The following NCOA2 variants were observed in gnomAD, a reference collection of about 807,000 sequenced individuals.
The protein encoded by NCOA2 is nuclear receptor coactivator 2, also known as class E basic helix-loop-helix protein 75.
Under a neutral mutation model 145.1 loss-of-function variants are expected in NCOA2, and 21 were observed. The ratio of observed to expected loss-of-function variants is 0.14; its 90% CI spans 0.10 to 0.21. NCOA2 has a LOEUF of 0.21. NCOA2 is among the 10% of genes least tolerant of loss of function. NCOA2 has a pLI of 1.00. For missense variants in NCOA2, 1,472 were observed against 1,837.6 expected (o/e 0.80, Z 3.64); for synonymous variants, 619 against 637.5 (o/e 0.97, Z 0.44).
At chr8:70,339,121 A>G (rs1035720782) in intron 1 of NCOA2, among the ~76,000 whole-genome samples, 1 of 152,168 alleles carries the variant, frequency 6.6e-6, no homozygotes, top group African/African-American at 2.4e-5. Context: ...AGGGTATTCA[A>G]ATAGGAAGAA....
intron 4 of NCOA2, among the ~76,000 whole-genome samples, chr8:70,189,190 T>C (rs1005303526): frequency 3.9e-5 from 6 of 152,178 alleles, no homozygotes; most frequent in Non-Finnish European, 5.9e-5. Flanking sequence ...CTACCAGAGC[T>C]GGCCAGGTTG....
At chr8:70,383,890 G>A (rs1278262639) in intron 1 of NCOA2, among the ~76,000 whole-genome samples, 1 of 152,136 alleles carries the variant, frequency 6.6e-6, no homozygotes, top group African/African-American at 2.4e-5. Context: ...CATAAACAGA[G>A]CTTATAAATA....
chr8:70,401,006 C>A (rs1039496555), intron 1 of NCOA2, among the ~76,000 whole-genome samples: 8 of 152,148 alleles, frequency 5.3e-5, no homozygotes, highest in African/African-American at 1.9e-4. Flanking sequence ...ATTCTTTGAG[C>A]TCCCAAAGAT....
At chr8:70,207,571 A>C (rs1818571932) in intron 4 of NCOA2, among the ~76,000 whole-genome samples, 1 of 152,174 alleles carries the variant, frequency 6.6e-6, no homozygotes, top group African/African-American at 2.4e-5. Flanking sequence ...TTCATTAAAA[A>C]CTGCAGTATT....
At chr8:70,332,370 A>C (rs1336065455) in intron 1 of NCOA2, among the ~76,000 whole-genome samples, 1 of 152,140 alleles carries the variant, frequency 6.6e-6, no homozygotes. Context: ...AACTACCTAC[A>C]CTTGAATATG....
chr8:70,448,660 A>C, the NCOA2 span, among the ~76,000 whole-genome samples: 286 of 152,302 alleles, frequency 1.9e-3, no homozygotes, highest in Non-Finnish European at 2.1e-3. Context: ...CACACCACTT[A>C]CATCGCATGA....
chr8:70,297,603 G>A (rs1827185178), intron 1 of NCOA2, among the ~76,000 whole-genome samples: 1 of 152,192 alleles, frequency 6.6e-6, no homozygotes, highest in African/African-American at 2.4e-5. Context: ...AAAATGCCAG[G>A]ATTACAGGTG....
intron 13 of NCOA2, among the ~76,000 whole-genome samples, chr8:70,143,551 T>TTGTC (rs1268885622): frequency 2.0e-5 from 3 of 152,208 alleles, no homozygotes; most frequent in Non-Finnish European, 4.4e-5. Flanking sequence ...AGTCAGTGCA[T>TTGTC]GACATATGTG....
chr8:70,383,569 G>C (rs1267235452), intron 1 of NCOA2, among the ~76,000 whole-genome samples: 1 of 152,108 alleles, frequency 6.6e-6, no homozygotes, highest in Non-Finnish European at 1.5e-5. Flanking sequence ...GCAATGGCAT[G>C]ATCTCAGCTC....
intron 1 of NCOA2, among the ~76,000 whole-genome samples, chr8:70,364,829 G>GTTT (rs5892229): frequency 7.3e-6 from 1 of 137,606 alleles, no homozygotes; most frequent in Non-Finnish European, 1.6e-5. Context: ...AAAAAGGTTT[G>GTTT]TTTTTTTTTT....
At chr8:70,226,538 T>A (rs1313772822) in intron 2 of NCOA2, among the ~76,000 whole-genome samples, 8 of 152,070 alleles carry the variant, frequency 5.3e-5, no homozygotes, top group Non-Finnish European at 1.5e-5. Context: ...CTCATTTTAC[T>A]GGTATTAGCA....
chr8:70,166,672 A>G lies in NCOA2; in HGVS notation c.624T>C (p.Pro208=). Residue 208 remains proline, a synonymous_variant, in exon 7 of 23, where the codon CCT becomes CCC. Transcript: ENST00000452400. The part of the protein sequence containing the change: ...FNCRMLVKPL[P]DSEEEGHDNQ... ...TATCATGACCCTCCTCTTCTGAATC[A>G]GGTAAAGGTTTTACCAGCATCCGAC... 1 of 1,614,024 alleles carries G rather than the reference A, an allele frequency of 6.2e-7. No homozygotes were observed. The highest frequency in any genetic ancestry group is 2.2e-5 in the East Asian group (1 of 44,886).
chr8:70,277,148 G>GT (rs1167503243), intron 2 of NCOA2, among the ~76,000 whole-genome samples: 11 of 150,766 alleles, frequency 7.3e-5, no homozygotes, highest in Admixed American at 1.3e-4. Context: ...AGGCGTTTTT[G>GT]TTTTTTTTCC....
At chr8:70,427,762 A>G in the NCOA2 span, among the ~76,000 whole-genome samples, 1 of 152,168 alleles carries the variant, frequency 6.6e-6, no homozygotes, top group Non-Finnish European at 1.5e-5. Flanking sequence ...CCAGGAGAGG[A>G]GCTCTGTGGT....
At chr8:70,443,934 A>G in the NCOA2 span, among the ~76,000 whole-genome samples, 1 of 152,214 alleles carries the variant, frequency 6.6e-6, no homozygotes, top group Non-Finnish European at 1.5e-5. Context: ...TCTTAGCATT[A>G]GATAAATTGT....
At chr8:70,180,131 G>T (rs1815309074) in intron 4 of NCOA2, among the ~76,000 whole-genome samples, 1 of 152,142 alleles carries the variant, frequency 6.6e-6, no homozygotes, top group Admixed American at 6.5e-5. Context: ...AAGTAACAAT[G>T]AAAATACTAA....
At position 70,128,823 on chromosome 8, in the gene NCOA2, T is replaced by C; in HGVS notation, c.3482A>G (p.Gln1161Arg). 1 of 1,614,054 alleles carries C rather than the reference T, an allele frequency of 6.2e-7. No homozygotes were observed. The highest frequency in any genetic ancestry group is 1.1e-5 in the South Asian group (1 of 91,088). Residue 1161 changes from glutamine (Q) to arginine (R), a missense_variant, in exon 17 of 23, where the codon CAG becomes CGG. By Grantham distance (43) the Gln-to-Arg change is conservative. Transcript: ENST00000452400. ...ACGGAGTGTGGCATAACTAGGCCGC[T>C]GTCCCATGGTGTGAAAGTTTGGATC... is the stretch of plus-strand genomic sequence containing the variant. ...MQDPNFHTMG[Q>R]RPSYATLRMQ... is the part of the protein sequence containing the mutation.
chr8:70,440,617 G>C, the NCOA2 span, among the ~76,000 whole-genome samples: 1 of 147,562 alleles, frequency 6.8e-6, no homozygotes, highest in Non-Finnish European at 1.5e-5. Context: ...GAAAGAAAGA[G>C]AGAGCGAGAG....
intron 1 of NCOA2, among the ~76,000 whole-genome samples, chr8:70,373,455 G>T (rs1416111412): frequency 6.6e-6 from 1 of 152,084 alleles, no homozygotes; most frequent in Admixed American, 6.5e-5. Flanking sequence ...CTAGATAAAA[G>T]ACTTTTGTGT....
Sources: gnomAD v4.1 joint callset for allele counts (sites outside exome capture counted in the v4.1 genomes callset) on GRCh38, gnomAD v4.1.1 for gene constraint, MANE v1.5 for transcripts, NCBI Gene and HGNC (gene_info 2026-07-23, HGNC 2026-07-21) for gene names.